The following ADAMTS18 variants were observed in gnomAD, a reference collection of about 807,000 sequenced individuals.
ADAMTS18 encodes A disintegrin and metalloproteinase with thrombospondin motifs 18.
ADAMTS18 carries 157 observed loss-of-function variants against 165.9 expected under a neutral mutation model. The observed-to-expected ratio is 0.95, with a 90% CI of 0.83 to 1.08. ADAMTS18 has a LOEUF of 1.08. ADAMTS18 is among the 50% of genes least tolerant of loss of function. The pLI, the probability that ADAMTS18 is intolerant of heterozygous loss-of-function variation, is 0.00. For synonymous variants in ADAMTS18, 782 were observed against 578.2 expected (o/e 1.35, Z -5.06); for missense variants, 2,040 against 1,534.0 (o/e 1.33, Z -5.51).
At position 77,361,819 on chromosome 16, in the gene ADAMTS18, G is replaced by A. The variant is rs546508866; in HGVS notation, c.1216+286C>T. On this transcript the variant is annotated intron_variant, in intron 7 of 22. Coordinates refer to ENST00000282849, the MANE Select transcript of ADAMTS18 (RefSeq NM_199355.4). ...GAATTGCTTGAACCCAGGAGGCGGA[G>A]GTTGTAGTGAACCGAGATTGTGCCA... Among the ~76,000 whole-genome samples, 4 of 152,250 alleles carry A rather than the reference G, an allele frequency of 2.6e-5. No homozygotes were observed. In the East Asian group the frequency reaches 7.7e-4, roughly 29 times the overall value.
chr16:77,411,826 A>G lies in ADAMTS18; in HGVS notation c.495+19469T>C, dbSNP rs576561485. Among the ~76,000 whole-genome samples the G allele has an allele frequency of 2.6e-5, 4 of 151,622 alleles. 1 individual carries two copies. The highest frequency in any genetic ancestry group is 9.7e-5 in the African/African-American group (4 of 41,328). ...CTCAGCCTCCTGAGTAGCTGGGATTATAGGTGCCCACCACCAAGCCCAGCT... is the reference window on the plus strand; with the variant it reads ...CTCAGCCTCCTGAGTAGCTGGGATTGTAGGTGCCCACCACCAAGCCCAGCT... On this transcript the variant is annotated intron_variant, in intron 3 of 22. Transcript: ENST00000282849.
At chr16:77,286,514 G>A (rs745391755) in intron 22 of ADAMTS18, among the ~76,000 whole-genome samples, 8 of 152,050 alleles carry the variant, frequency 5.3e-5, no homozygotes, top group Non-Finnish European at 8.8e-5. Flanking sequence ...ACAGTCTTTC[G>A]AAGTAAGCAT....
chr16:77,434,692 C>T lies in ADAMTS18; in HGVS notation c.4G>A (p.Glu2Lys). Residue 2 changes from glutamate (E) to lysine (K), a missense_variant, in exon 1 of 23, where the codon GAG becomes AAG. Transcript: ENST00000282849. ...GCACACGCGAGCAGGAGGGCGCACT[C>T]CATGGTCAGGTGCGGACGCGGCGGC... M[E>K]CALLLACAFP... The T allele has an allele frequency of 6.8e-7, 1 of 1,466,952 alleles. No homozygotes were observed. Among genetic ancestry groups the T allele is most frequent in the Non-Finnish European group, 9.0e-7 (1 of 1,114,810 alleles). The allele number at this position is 1,466,952 out of a possible 1,614,324, so 90.9% of individuals were successfully genotyped here. A position where few individuals can be genotyped will look rare whatever the true frequency, so the allele number is the denominator to read the frequency against.
At chr16:77,306,804 AG>A (rs527713257) in intron 16 of ADAMTS18, among the ~76,000 whole-genome samples, 2 of 152,240 alleles carry the variant, frequency 1.3e-5, no homozygotes, top group Non-Finnish European at 2.9e-5. Context: ...TAATTCCAAT[AG>A]TGTAGACTAA....
intron 3 of ADAMTS18, among the ~76,000 whole-genome samples, chr16:77,405,873 C>A (rs1238450574): frequency 6.6e-6 from 1 of 152,110 alleles, no homozygotes; most frequent in Non-Finnish European, 1.5e-5. Flanking sequence ...CCTCATTTAA[C>A]CTTCACTACA....
chr16:77,385,364 T>C (rs541524498), intron 3 of ADAMTS18, among the ~76,000 whole-genome samples: 1 of 152,350 alleles, frequency 6.6e-6, no homozygotes, highest in African/African-American at 2.4e-5. Context: ...CTGAAAATAG[T>C]GACTTTCTGA....
chr16:77,412,535 T>C (rs1322768828), intron 3 of ADAMTS18, among the ~76,000 whole-genome samples: 2 of 152,092 alleles, frequency 1.3e-5, no homozygotes, highest in Non-Finnish European at 2.9e-5. Context: ...TATTAGTCTG[T>C]TTTCATTTTG....
chr16:77,420,546 A>T (rs2057588768), intron 3 of ADAMTS18, among the ~76,000 whole-genome samples: 1 of 152,202 alleles, frequency 6.6e-6, no homozygotes. Context: ...CTAGTCATAC[A>T]CACCGAGGTT....
At chr16:77,415,217 G>T (rs994649495) in intron 3 of ADAMTS18, among the ~76,000 whole-genome samples, 3 of 152,196 alleles carry the variant, frequency 2.0e-5, no homozygotes, top group African/African-American at 7.2e-5. Flanking sequence ...TGCTCAATGC[G>T]CTTATTGCAC....
At chr16:77,383,171 T>C (rs185688763) in intron 3 of ADAMTS18, among the ~76,000 whole-genome samples, 1 of 152,268 alleles carries the variant, frequency 6.6e-6, no homozygotes, top group East Asian at 1.9e-4. Flanking sequence ...AGTGGTCTCC[T>C]ATCTCCTCTC....
chr16:77,434,331 C>G, intron 2 of ADAMTS18, 87 bp downstream of exon 2: 1 of 1,458,984 alleles, frequency 6.9e-7, no homozygotes, highest in South Asian at 1.2e-5. Context: ...TTAGGGGGTG[C>G]GCTTTTCCAT....
At position 77,284,221 on chromosome 16, in the gene ADAMTS18, G is replaced by T. The variant is rs951924770; in HGVS notation, c.3551-150C>A. On this transcript the variant is annotated intron_variant, in intron 22 of 22. Transcript: ENST00000282849. ...GCTCACTGCAATCTCTGCTGCCCAGGTTCAAACGATTCTCCTGCCTAAGCT... is the reference window on the plus strand; with the variant it reads ...GCTCACTGCAATCTCTGCTGCCCAGTTTCAAACGATTCTCCTGCCTAAGCT... 4 of 610,570 alleles carry T rather than the reference G, an allele frequency of 6.6e-6. No individual in the cohort carries two copies. The African/African-American group carries it at 7.5e-5, about 11-fold the overall frequency. The allele number at this position is 610,570 out of a possible 1,614,324, so 37.8% of individuals were successfully genotyped here. A position where few individuals can be genotyped will look rare whatever the true frequency, so the allele number is the denominator to read the frequency against.
Position 77,341,706 on chromosome 16 carries a change from T to A in ADAMTS18, c.1708A>T (p.Met570Leu). ...AAACTAACAAGTATGCAGTTTACCA[T>A]ACTCAAGCCACAAACGGTCCCTTCT... Reference protein sequence around the residue: ...AAEGTVCGLSMWCRQGQCVKF... With the variant: ...AAEGTVCGLSLWCRQGQCVKF... The change falls in exon 11 of 23, where the codon ATG becomes TTG. Residue 570 changes from methionine to leucine, a missense_variant and splice_region_variant. Transcript: ENST00000282849. 6.2e-7 allele frequency: 1 copy of A among 1,612,916 alleles called. No homozygotes were observed. The highest frequency in any genetic ancestry group is 2.2e-5 in the East Asian group (1 of 44,820).
At chr16:77,371,629 CAA>C (rs1209868910) in intron 3 of ADAMTS18, among the ~76,000 whole-genome samples, 1 of 152,086 alleles carries the variant, frequency 6.6e-6, no homozygotes, top group African/African-American at 2.4e-5. Flanking sequence ...AAAATCAACT[CAA>C]AGTGGATTAA....
chr16:77,309,827 T>C (rs1349235943), intron 16 of ADAMTS18, among the ~76,000 whole-genome samples: 1 of 152,142 alleles, frequency 6.6e-6, no homozygotes, highest in African/African-American at 2.4e-5. Flanking sequence ...TTCATCTAGA[T>C]TGAGGTAAGT....
intron 8 of ADAMTS18, among the ~76,000 whole-genome samples, chr16:77,359,002 T>A (rs1408650722): frequency 6.6e-6 from 1 of 152,212 alleles, no homozygotes; most frequent in Non-Finnish European, 1.5e-5. Context: ...GATTACTTCC[T>A]GTGCATAAAG....
intron 3 of ADAMTS18, among the ~76,000 whole-genome samples, chr16:77,383,605 G>A (rs1035310848): frequency 8.6e-5 from 13 of 151,918 alleles, no homozygotes; most frequent in African/African-American, 2.9e-4. Flanking sequence ...TTGCAGTGGC[G>A]CAATCTCAGC....
In ADAMTS18 at chr16:77,341,754, C is replaced by T. The variant is rs1239972808; in HGVS notation, c.1660G>A (p.Glu554Lys). 1.2e-6 allele frequency: 2 copies of T among 1,613,680 alleles called. No individual in the cohort carries two copies. Among genetic ancestry groups the T allele is most frequent in the Admixed American group, 1.7e-5 (1 of 59,976 alleles). The change falls in exon 11 of 23, where the codon GAG becomes AAG. Residue 554 changes from glutamate to lysine, a missense_variant. By Grantham distance (56) the Glu-to-Lys change is moderately conservative. Coordinates refer to ENST00000282849, the MANE Select transcript of ADAMTS18 (RefSeq NM_199355.4). ...LWCHRVGHRCETKFMPAAEGT... is the reference protein window; with the variant it reads ...LWCHRVGHRCKTKFMPAAEGT... ...TCTGCTGCGGGCATAAACTTGGTCT[C>T]ACACCTGTGGCCTACTCGGTGGCAC...
In ADAMTS18 at chr16:77,289,396, C is replaced by T. The variant is rs751775332; in HGVS notation, c.3418G>A (p.Gly1140Arg). ...LPWQQCTVTC[G>R]GGVQTRSVHC... The stretch of plus-strand genomic sequence containing the variant: ...ACTGACCGGGTCTGGACCCCTCCCC[C>T]ACAGGTGACTGTGCACTGCAGCAGA... Residue 1140 changes from glycine (G) to arginine (R), a missense_variant, in exon 22 of 23, where the codon GGG (glycine) becomes AGG (arginine). Physicochemically the swap from Gly to Arg is moderately radical, Grantham distance 125 (BLOSUM62 -2). Transcript: ENST00000282849. The T allele has an allele frequency of 5.0e-6, 8 of 1,614,062 alleles. No individual in the cohort carries two copies. The highest frequency in any genetic ancestry group is 5.9e-6 in the Non-Finnish European group (7 of 1,179,984).
Sources: gnomAD v4.1 joint callset for allele counts (sites outside exome capture counted in the v4.1 genomes callset) on GRCh38, gnomAD v4.1.1 for gene constraint, MANE v1.5 for transcripts, NCBI Gene and HGNC (gene_info 2026-07-23, HGNC 2026-07-21) for gene names.